Variants in ZNF644 observed in about 807,000 individuals in gnomAD.
The protein encoded by ZNF644 is zinc finger protein 644.
ZNF644 carries 20 observed loss-of-function variants against 108.0 expected under a neutral mutation model. That is an observed-to-expected ratio of 0.19 (90% CI 0.13 to 0.27). The LOEUF is 0.27. Ranked by LOEUF, ZNF644 falls within the 10% of genes least tolerant of loss-of-function variation. ZNF644 has a pLI of 1.00. For synonymous variants in ZNF644, 542 were observed against 539.1 expected (o/e 1.01, Z -0.08); for missense variants, 1,338 against 1,548.9 (o/e 0.86, Z 2.29).
chr1:90,929,865 G>C (rs1190141594), intron 4 of ZNF644, among the ~76,000 whole-genome samples: 2 of 152,178 alleles, frequency 1.3e-5, no homozygotes, highest in Non-Finnish European at 2.9e-5. Context: ...ACACTGACTT[G>C]ATTTTTTAAA....
At chr1:90,955,167 G>C (rs1035737074) in intron 2 of ZNF644, among the ~76,000 whole-genome samples, 2 of 152,162 alleles carry the variant, frequency 1.3e-5, no homozygotes, top group African/African-American at 4.8e-5. Flanking sequence ...CTCAACAGTA[G>C]GCTTAAAATA....
rs1397726516 is a variant in ZNF644 at position 90,938,782 on chromosome 1, C to G, written c.2572G>C (p.Glu858Gln). 6.2e-7 allele frequency: 1 copy of G among 1,613,830 alleles called. No homozygotes were observed. The highest frequency in any genetic ancestry group is 1.3e-5 in the African/African-American group (1 of 75,040). The part of the protein sequence containing the change: ...EKKDSYETED[E>Q]SSWDNVELGD... ...AACTCAACATTATCCCAGGAACTTT[C>G]ATCTTCTGTTTCATAACTATCTTTC... The change falls in exon 3 of 6, where the codon GAA becomes CAA. Residue 858 changes from glutamate to glutamine, a missense_variant. Glu to Gln is a conservative substitution (Grantham distance 29, BLOSUM62 2). Around this residue, in one of 6 missense-constraint regions of ZNF644, gnomAD observed 462 missense variants for 472.6 expected, o/e 0.98. Coordinates refer to ENST00000337393, the MANE Select transcript of ZNF644 (RefSeq NM_201269.3). The surrounding 1 kb of genome is among the most constrained non-coding windows in gnomAD (Gnocchi z 4.2).
intron 2 of ZNF644, among the ~76,000 whole-genome samples, chr1:90,961,984 AAAGC>A (rs1654381916): frequency 6.6e-6 from 1 of 152,118 alleles, no homozygotes; most frequent in African/African-American, 2.4e-5. Flanking sequence ...AATCTTGATA[AAAGC>A]AACAAATAAC....
rs760866900 is a variant in ZNF644 at position 90,940,085 on chromosome 1, C to A, written c.1269G>T (p.Lys423Asn). 2.5e-6 allele frequency: 4 copies of A among 1,614,072 alleles called. No homozygotes were observed. The Admixed American group carries it at 6.7e-5, about 27-fold the overall frequency. The change falls in exon 3 of 6, where the codon AAG becomes AAT. Residue 423 changes from lysine to asparagine, a missense_variant. Around this residue, in one of 6 missense-constraint regions of ZNF644, gnomAD observed 80 missense variants for 183.0 expected, o/e 0.44. Coordinates refer to ENST00000337393, the MANE Select transcript of ZNF644 (RefSeq NM_201269.3). ...GATACATCATATGCCTGTGGAGGTG[C>A]TTCTTCTCCCTAAAATTCACATTGC... Reference protein sequence around the residue: ...TKCNVNFREKKHLHRHMMYHL... With the variant: ...TKCNVNFREKNHLHRHMMYHL...
At chr1:90,960,246 G>A (rs1049002831) in intron 2 of ZNF644, among the ~76,000 whole-genome samples, 1 of 152,220 alleles carries the variant, frequency 6.6e-6, no homozygotes, top group Middle Eastern at 3.4e-3. Context: ...TAAGATCTAC[G>A]TAAGAACAAA....
intron 2 of ZNF644, among the ~76,000 whole-genome samples, chr1:90,953,208 C>A (rs1653377067): frequency 6.6e-6 from 1 of 151,980 alleles, no homozygotes; most frequent in Non-Finnish European, 1.5e-5. Context: ...TTGTCACCTT[C>A]TTTACCAATT....
intron 2 of ZNF644, among the ~76,000 whole-genome samples, chr1:90,965,306 G>A (rs943520832): frequency 3.3e-5 from 5 of 152,154 alleles, no homozygotes; most frequent in African/African-American, 9.7e-5. Flanking sequence ...TTCTTGGCCT[G>A]TAGAGAGCCA....
At chr1:90,956,612 A>C (rs1245300291) in intron 2 of ZNF644, among the ~76,000 whole-genome samples, 1 of 152,210 alleles carries the variant, frequency 6.6e-6, no homozygotes, top group African/African-American at 2.4e-5. Context: ...TAGCCATCTC[A>C]CTTTATGCCT....
chr1:90,974,037 G>A (rs1223965968), intron 2 of ZNF644, among the ~76,000 whole-genome samples: 1 of 151,944 alleles, frequency 6.6e-6, no homozygotes, highest in Non-Finnish European at 1.5e-5. Flanking sequence ...TATGGGATAG[G>A]TGTCCGTATA....
intron 2 of ZNF644, among the ~76,000 whole-genome samples, chr1:90,973,816 G>C (rs1276907927): frequency 6.6e-6 from 1 of 152,142 alleles, no homozygotes; most frequent in Non-Finnish European, 1.5e-5. Flanking sequence ...AGGTGGCTCA[G>C]TTTGCAATCA....
At chr1:90,977,647 T>C (rs1656143708) in intron 2 of ZNF644, among the ~76,000 whole-genome samples, 1 of 152,186 alleles carries the variant, frequency 6.6e-6, no homozygotes, top group Non-Finnish European at 1.5e-5. Flanking sequence ...AATAAGAGTA[T>C]TAAGTGGTAC....
chr1:90,951,880 T>TA (rs1460667347), intron 2 of ZNF644, among the ~76,000 whole-genome samples: 3 of 152,160 alleles, frequency 2.0e-5, no homozygotes, highest in Non-Finnish European at 4.4e-5. Flanking sequence ...CTCCAGTGTG[T>TA]AAAAACCTTT....
At chr1:90,921,886 C>G (rs142885368) in intron 4 of ZNF644, among the ~76,000 whole-genome samples, 1 of 152,038 alleles carries the variant, frequency 6.6e-6, no homozygotes, top group East Asian at 1.9e-4. Context: ...ACCATGACGA[C>G]AACAACATGC....
intron 2 of ZNF644, among the ~76,000 whole-genome samples, chr1:90,959,746 C>A (rs766507222): frequency 1.3e-5 from 2 of 152,094 alleles, no homozygotes; most frequent in South Asian, 2.1e-4. Context: ...GTAATGAATA[C>A]GCAGTGTTTT....
intron 1 of ZNF644, among the ~76,000 whole-genome samples, chr1:91,005,198 G>GA (rs1659299431): frequency 6.6e-6 from 1 of 152,064 alleles, no homozygotes; most frequent in African/African-American, 2.4e-5. Context: ...TCTCACAGCA[G>GA]AAACAACAGA....
chr1:90,947,447 CTG>C (rs1652638354), intron 2 of ZNF644, among the ~76,000 whole-genome samples: 2 of 152,152 alleles, frequency 1.3e-5, no homozygotes, highest in South Asian at 4.1e-4. Context: ...AAATTATTAA[CTG>C]TGAAACTTTC....
intron 4 of ZNF644, among the ~76,000 whole-genome samples, chr1:90,929,235 T>A (rs1650431460): frequency 6.6e-6 from 1 of 152,188 alleles, no homozygotes; most frequent in African/African-American, 2.4e-5. Flanking sequence ...ACTAAAATAA[T>A]CAACCTGAAC....
chr1:90,998,941 G>T (rs1235398177), intron 1 of ZNF644, among the ~76,000 whole-genome samples: 2 of 152,130 alleles, frequency 1.3e-5, no homozygotes, highest in Non-Finnish European at 2.9e-5. Flanking sequence ...TGGAAGAAAG[G>T]GTATCAGTGA....
intron 2 of ZNF644, among the ~76,000 whole-genome samples, chr1:90,942,131 C>T (rs1449908695): frequency 6.6e-6 from 1 of 152,058 alleles, no homozygotes; most frequent in Non-Finnish European, 1.5e-5. Flanking sequence ...AAATTCTAGG[C>T]ATTCTCTAAA....
Sources: allele counts gnomAD v4.1 joint callset (sites outside exome capture counted in the v4.1 genomes callset), GRCh38; gene constraint gnomAD v4.1.1; regional missense constraint gnomAD v4.1.1; non-coding constraint Gnocchi (gnomAD v3.1); transcripts MANE v1.5; gene names NCBI Gene and HGNC (gene_info 2026-07-23, HGNC 2026-07-21).